Variants in MYRIP observed in about 807,000 individuals in gnomAD.
The protein encoded by MYRIP is rab effector MyRIP.
Under a neutral mutation model 98.0 loss-of-function variants are expected in MYRIP, and 49 were observed. The observed-to-expected ratio is 0.50, with a 90% CI of 0.40 to 0.63. MYRIP has a LOEUF of 0.63. Ranked by LOEUF, MYRIP falls within the 30% of genes least tolerant of loss-of-function variation. MYRIP has a pLI of 0.00. For synonymous variants in MYRIP, 404 were observed against 409.5 expected, an observed-to-expected ratio of 0.99 and a Z score of 0.16; for missense variants, 1,004 against 1,058.2, an observed-to-expected ratio of 0.95 and a Z score of 0.71.
chr3:40,166,131 C>G (rs1278994728), intron 5 of MYRIP, among the ~76,000 whole-genome samples: 1 of 152,188 alleles, frequency 6.6e-6, no homozygotes, highest in Non-Finnish European at 1.5e-5. Flanking sequence ...GTTGTTAATA[C>G]TGGTTGATAG....
intron 2 of MYRIP, among the ~76,000 whole-genome samples, chr3:39,909,893 T>TTTGG (rs1943977435): frequency 6.6e-6 from 1 of 151,572 alleles, no homozygotes; most frequent in Non-Finnish European, 1.5e-5. Context: ...TTTTTTTTTG[T>TTTGG]TTGTTTGTTT....
intron 7 of MYRIP, 94 bp downstream of exon 7, chr3:40,167,333 TCTAGCA>T: frequency 8.9e-7 from 1 of 1,121,754 alleles, no homozygotes; most frequent in Non-Finnish European, 1.3e-6. Context: ...GGGGAGTGTC[TCTAGCA>T]CTGTATCTTC....
chr3:39,883,493 T>C (rs1943208611), intron 1 of MYRIP, among the ~76,000 whole-genome samples: 2 of 152,012 alleles, frequency 1.3e-5, no homozygotes, highest in Admixed American at 6.6e-5. Context: ...AGACACAGAT[T>C]TAAAAATAAC....
chr3:40,194,284 G>A (rs994320232), intron 10 of MYRIP, among the ~76,000 whole-genome samples: 13 of 151,924 alleles, frequency 8.6e-5, no homozygotes, highest in African/African-American at 3.1e-4. Flanking sequence ...TTAAGCATTT[G>A]TCACAAAATT....
rs1953711588 is a variant in MYRIP at position 40,259,814 on chromosome 3, A to T, written c.*1648A>T. 2 of 152,588 alleles carry T rather than the reference A, an allele frequency of 1.3e-5. No homozygotes were observed. The highest frequency in any genetic ancestry group is 2.9e-5 in the Non-Finnish European group (2 of 67,962). 9.5% of individuals were successfully genotyped at this position (152,588 alleles called of 1,614,324 possible). A position where few individuals can be genotyped will look rare whatever the true frequency, so the allele number is the denominator to read the frequency against. ...GTGATTCAAAGCAAAACAAACAAACAAAAACAAATTTTAAGAACACAACAA... is the reference window on the plus strand; with the variant it reads ...GTGATTCAAAGCAAAACAAACAAACTAAAACAAATTTTAAGAACACAACAA... On this transcript the variant is annotated 3_prime_UTR_variant, in exon 17 of 17. Transcript: ENST00000302541.
intron 1 of MYRIP, among the ~76,000 whole-genome samples, chr3:39,816,249 A>T (rs1214253702): frequency 1.3e-5 from 2 of 151,726 alleles, no homozygotes; most frequent in Non-Finnish European, 2.9e-5. Flanking sequence ...GCCCAGCTAA[A>T]TTTTTTGTAT....
intron 10 of MYRIP, among the ~76,000 whole-genome samples, chr3:40,196,155 T>C (rs1951386414): frequency 6.6e-6 from 1 of 151,972 alleles, no homozygotes; most frequent in South Asian, 2.1e-4. Context: ...AACTTACCAG[T>C]CTTTTTTTTT....
chr3:40,127,679 G>A (rs973890068), intron 3 of MYRIP, among the ~76,000 whole-genome samples: 1 of 152,220 alleles, frequency 6.6e-6, no homozygotes, highest in Non-Finnish European at 1.5e-5. Context: ...AGCCCCACAG[G>A]CTGTGCTACC....
chr3:39,906,490 C>A (rs892976470), intron 2 of MYRIP, among the ~76,000 whole-genome samples: 1 of 152,116 alleles, frequency 6.6e-6, no homozygotes, highest in Non-Finnish European at 1.5e-5. Flanking sequence ...AAACAGAATT[C>A]AATGGAAATA....
chr3:40,135,506 A>G (rs950910342), intron 3 of MYRIP, among the ~76,000 whole-genome samples: 1 of 152,230 alleles, frequency 6.6e-6, no homozygotes, highest in African/African-American at 2.4e-5. Flanking sequence ...AGGCAGGCCA[A>G]CATTCAAATT....
At chr3:40,245,506 G>A (rs1352719321) in intron 13 of MYRIP, among the ~76,000 whole-genome samples, 5 of 151,724 alleles carry the variant, frequency 3.3e-5, no homozygotes, top group Admixed American at 1.3e-4. Context: ...AAAATTAGCC[G>A]GGAGTGGTGG....
intron 2 of MYRIP, among the ~76,000 whole-genome samples, chr3:39,963,415 AT>A (rs1443701329): frequency 1.3e-5 from 2 of 152,116 alleles, no homozygotes; most frequent in Non-Finnish European, 2.9e-5. Flanking sequence ...CCATCATCTC[AT>A]TTATTCATGC....
chr3:40,079,165 T>C (rs770326352), intron 3 of MYRIP, among the ~76,000 whole-genome samples: 7 of 152,196 alleles, frequency 4.6e-5, no homozygotes, highest in East Asian at 3.9e-4. Context: ...TACTTAGAAG[T>C]TGACTGTTCG....
chr3:40,249,793 C>G (rs1953317680), intron 13 of MYRIP, among the ~76,000 whole-genome samples: 1 of 152,164 alleles, frequency 6.6e-6, no homozygotes, highest in Admixed American at 6.5e-5. Flanking sequence ...CCTTCTAAAA[C>G]CTGGTGCTGT....
intron 2 of MYRIP, among the ~76,000 whole-genome samples, chr3:39,959,690 A>C (rs1243688914): frequency 6.6e-6 from 1 of 152,046 alleles, no homozygotes; most frequent in Admixed American, 6.6e-5. Flanking sequence ...AAAAAAAGCA[A>C]ACTTACTGAA....
At chr3:39,892,614 A>C (rs1050898224) in intron 1 of MYRIP, among the ~76,000 whole-genome samples, 1 of 152,212 alleles carries the variant, frequency 6.6e-6, no homozygotes, top group South Asian at 2.1e-4. Context: ...ATTAAGTTAA[A>C]GAAGTGCATT....
intron 11 of MYRIP, among the ~76,000 whole-genome samples, chr3:40,219,797 G>A (rs1350726485): frequency 6.6e-6 from 1 of 151,766 alleles, no homozygotes; most frequent in Non-Finnish European, 1.5e-5. Flanking sequence ...ATAAACATAT[G>A]TGTGCATGTG....
chr3:40,000,900 C>T (rs1946504185), intron 2 of MYRIP, among the ~76,000 whole-genome samples: 1 of 152,122 alleles, frequency 6.6e-6, no homozygotes, highest in Non-Finnish European at 1.5e-5. Flanking sequence ...GTTACCTTCT[C>T]CTTTCTCCTA....
intron 2 of MYRIP, among the ~76,000 whole-genome samples, chr3:40,042,438 G>A (rs36024849): frequency 0.34 from 51,439 of 151,858 alleles, 9,172 homozygotes; most frequent in Admixed American, 0.45. Context: ...AGATTTAACT[G>A]CAGAAAAATT....
Sources: allele counts gnomAD v4.1 joint callset (sites outside exome capture counted in the v4.1 genomes callset), GRCh38; gene constraint gnomAD v4.1.1; transcripts MANE v1.5; gene names NCBI Gene and HGNC (gene_info 2026-07-23, HGNC 2026-07-21).